FIBP: variants seen among roughly 807,000 people sequenced by gnomAD.
FIBP encodes the protein acidic fibroblast growth factor intracellular-binding protein.
Under a neutral mutation model 40.5 loss-of-function variants are expected in FIBP, and 29 were observed. That is an observed-to-expected ratio of 0.72 (90% confidence interval 0.53 to 0.98). FIBP has a LOEUF of 0.98. FIBP is among the 50% of genes least tolerant of loss of function. The pLI is 0.00. For missense variants in FIBP, 411 were observed against 470.2 expected (o/e 0.87, Z 1.16); for synonymous variants, 215 against 191.1 (o/e 1.13, Z -1.03).
chr11:65,884,977 C>T lies in FIBP; in HGVS notation c.777G>A (p.Arg259=), dbSNP rs756523812. Residue 259 remains arginine, a synonymous_variant, in exon 7 of 10, where the codon CGG becomes CGA. Coordinates refer to ENST00000357519, the MANE Select transcript of FIBP (RefSeq NM_004214.5). Reference sequence around the variant, plus strand: ...TCTCAGAGAAGACGCCCAGCTTTCCCCGGAGAGCAGTGCACACCAGGCTGC... The same window carrying T: ...TCTCAGAGAAGACGCCCAGCTTTCCTCGGAGAGCAGTGCACACCAGGCTGC... ...LHKSLVCTAL[R]GKLGVFSEME... The T allele has an allele frequency of 6.2e-7, 1 of 1,614,060 alleles. No individual in the cohort carries two copies. The highest frequency in any genetic ancestry group is 8.5e-7 in the Non-Finnish European group (1 of 1,180,036).
At chr11:65,886,285 A>G (rs1390011599) in intron 4 of FIBP, 37 bp downstream of exon 4, 2 of 1,427,510 alleles carry the variant, frequency 1.4e-6, no homozygotes, top group South Asian at 2.3e-5. Context: ...GGGCCCAGGA[A>G]GTAGTGTGCG....
chr11:65,884,443 C>T lies in FIBP; in HGVS notation c.953G>A (p.Arg318Gln), dbSNP rs773442005. 16 of 1,614,018 alleles carry T rather than the reference C, an allele frequency of 9.9e-6. No individual in the cohort carries two copies. Among genetic ancestry groups the T allele is most frequent in the South Asian group, 4.4e-5 (4 of 91,068 alleles). ...RSDHWPLSDV[R>Q]FFLNQYSASV... is the part of the protein sequence containing the mutation. The stretch of plus-strand genomic sequence containing the variant: ...CGCTGAATACTGATTCAGGAAGAAC[C>T]GCACGTCGCTGAGTGGCCAGTGGTC... The change falls in exon 9 of 10, where the codon CGG becomes CAG. Residue 318 changes from arginine (R) to glutamine (Q), a missense_variant. Transcript: ENST00000357519.
At chr11:65,888,236 C>G (rs776569552) in intron 1 of FIBP, 98 bp downstream of exon 1, 4 of 1,470,600 alleles carry the variant, frequency 2.7e-6, no homozygotes, top group Middle Eastern at 1.7e-4. Flanking sequence ...CAGGCGCTCG[C>G]CCACTTCCCT....
chr11:65,886,190 A>T (rs1860231734), intron 4 of FIBP, 132 bp downstream of exon 4: 1 of 502,924 alleles, frequency 2.0e-6, no homozygotes. Context: ...AAAAAAAAAA[A>T]GTACAGACCA....
intron 4 of FIBP, chr11:65,885,899 C>T: frequency 1.9e-6 from 1 of 518,254 alleles, no homozygotes; most frequent in Non-Finnish European, 3.4e-6. Flanking sequence ...TTACTATCTA[C>T]TGAGCACTTC....
At chr11:65,885,437 A>G (rs1021062820) in intron 5 of FIBP, 93 bp downstream of exon 5, 2 of 1,493,050 alleles carry the variant, frequency 1.3e-6, no homozygotes, top group African/African-American at 1.4e-5. Flanking sequence ...AGCGGATGCC[A>G]GGAACTGAGG....
rs677835 is a variant in FIBP at position 65,887,122 on chromosome 11, C to T, written c.411+478G>A. On this transcript the variant is annotated intron_variant, in intron 3 of 9. Transcript: ENST00000357519. ...AATTTCAGGTCATTCTGAAAGGTCA[C>T]TCTGGCCATACAGTACAGGATAGCT... The T allele has an allele frequency of 2.3e-4, 52 of 228,204 alleles. No individual in the cohort carries two copies. In the East Asian group the frequency reaches 6.0e-3, roughly 26 times the overall value. 14.1% of individuals were successfully genotyped at this position (228,204 alleles called of 1,614,324 possible).
chr11:65,884,132 A>G, intron 9 of FIBP, 89 bp from the exon 10 acceptor site: 1 of 1,052,584 alleles, frequency 9.5e-7, no homozygotes, highest in Non-Finnish European at 1.4e-6. Context: ...ACCTTCATTC[A>G]TTTTGCCCTT....
At chr11:65,886,169 TAAAAAA>T (rs5792375) in intron 4 of FIBP, 147 bp downstream of exon 4, 11 of 336,596 alleles carry the variant, frequency 3.3e-5, no homozygotes, top group East Asian at 9.0e-5. Context: ...TCCGTCTCAT[TAAAAAA>T]AAAAAAAAAA....
At position 65,887,957 on chromosome 11, in the gene FIBP, G is replaced by A. The variant is rs1314845879; in HGVS notation, c.261C>T (p.Ser87=). ...LHQLIFQIPP[S]RQALLIERYY... The stretch of plus-strand genomic sequence containing the variant: ...ACCTCTCGATGAGTAGTGCCTGCCG[G>A]GAGGGCGGAATCTGGAAGATGAGCT... The change falls in exon 2 of 10, where the codon TCC becomes TCT. Residue 87 remains serine (S), a synonymous_variant. Coordinates refer to ENST00000357519, the MANE Select transcript of FIBP (RefSeq NM_004214.5). 1 of 1,613,802 alleles carries A rather than the reference G, an allele frequency of 6.2e-7. No individual in the cohort carries two copies. Among genetic ancestry groups the A allele is most frequent in the African/African-American group, 1.3e-5 (1 of 75,060 alleles).
chr11:65,885,951 T>C (rs1484204745), intron 4 of FIBP: 1 of 451,786 alleles, frequency 2.2e-6, no homozygotes, highest in African/African-American at 2.0e-5. Context: ...ATATGGTACC[T>C]CTCAACAGCC....
chr11:65,888,296 G>A, intron 1 of FIBP, 38 bp downstream of exon 1: 2 of 1,532,020 alleles, frequency 1.3e-6, no homozygotes, highest in South Asian at 1.2e-5. Context: ...CAACACAACC[G>A]CTCCGCCGAC....
At position 65,887,951 on chromosome 11, in the gene FIBP, C is replaced by A; in HGVS notation, c.267G>T (p.Gln89His). ...GTGAGCACCTCTCGATGAGTAGTGC[C>A]TGCCGGGAGGGCGGAATCTGGAAGA... is the stretch of plus-strand genomic sequence containing the variant. Reference protein sequence around the residue: ...QLIFQIPPSRQALLIERYYAF... With the variant: ...QLIFQIPPSRHALLIERYYAF... Residue 89 changes from glutamine (Q) to histidine (H), a missense_variant, in exon 2 of 10, where the codon CAG becomes CAT. Coordinates refer to ENST00000357519, the MANE Select transcript of FIBP (RefSeq NM_004214.5). 6.2e-7 allele frequency: 1 copy of A among 1,613,748 alleles called. No individual in the cohort carries two copies. Among genetic ancestry groups the A allele is most frequent in the Non-Finnish European group, 8.5e-7 (1 of 1,179,866 alleles).
At position 65,884,504 on chromosome 11, in the gene FIBP, G is replaced by C. The variant is rs1208394842; in HGVS notation, c.907-15C>G. The C allele has an allele frequency of 6.2e-7, 1 of 1,614,028 alleles. No homozygotes were observed. Among genetic ancestry groups the C allele is most frequent in the Non-Finnish European group, 8.5e-7 (1 of 1,180,002 alleles). On this transcript the variant is annotated splice_polypyrimidine_tract_variant and intron_variant, in intron 8 of 9. Transcript: ENST00000357519. ...GGTTCCACAAACTGCGGGCCCAAGAGAATACTTAGCACTTGTATAGGCCAG... is the reference window on the plus strand; with the variant it reads ...GGTTCCACAAACTGCGGGCCCAAGACAATACTTAGCACTTGTATAGGCCAG...
intron 5 of FIBP, 76 bp downstream of exon 5, chr11:65,885,454 G>A: frequency 1.3e-6 from 2 of 1,552,506 alleles, no homozygotes; most frequent in Non-Finnish European, 1.7e-6. Flanking sequence ...GAGGGCCTGT[G>A]GGAGAAACTA....
chr11:65,884,076 T>G, intron 9 of FIBP, 33 bp from the exon 10 acceptor site: 1 of 1,552,546 alleles, frequency 6.4e-7, no homozygotes, highest in Non-Finnish European at 8.9e-7. Flanking sequence ...AGCTGAGTTT[T>G]CACAACACTC....
intron 5 of FIBP, 126 bp downstream of exon 5, chr11:65,885,404 C>G (rs1292522244): frequency 8.3e-6 from 10 of 1,206,086 alleles, no homozygotes; most frequent in Non-Finnish European, 1.2e-5. Flanking sequence ...GCAGGGGGAG[C>G]CTGGGTGGGG....
Position 65,885,098 on chromosome 11 carries a change from G to T in FIBP, c.735C>A (p.Asp245Glu), listed in dbSNP as rs1348108320. 1.2e-6 allele frequency: 2 copies of T among 1,611,942 alleles called. No individual in the cohort carries two copies. The highest frequency in any genetic ancestry group is 2.2e-5 in the South Asian group (2 of 91,048). The change falls in exon 6 of 10, where the codon GAC (aspartate) becomes GAA (glutamate). Residue 245 changes from aspartate to glutamate, a missense_variant. Asp to Glu is a conservative substitution (Grantham distance 45, BLOSUM62 2). Transcript: ENST00000357519. ...KELKVLVADK[D>E]LLDLHKSLVC... ...GTCACCTCTTGTGCAGGTCCAGAAG[G>T]TCCTTGTCAGCCACTAGCACCTTGA...
Position 65,884,995 on chromosome 11 carries a change from C to T in FIBP, c.759G>A (p.Leu253=). ...DKDLLDLHKS[L]VCTALRGKLG... ...GCTTTCCCCGGAGAGCAGTGCACACCAGGCTGCAGAGAGACAGGGTCACGC... is the reference window on the plus strand; with the variant it reads ...GCTTTCCCCGGAGAGCAGTGCACACTAGGCTGCAGAGAGACAGGGTCACGC... Residue 253 remains leucine (L), a synonymous_variant, in exon 7 of 10, where the codon CTG becomes CTA. Coordinates refer to ENST00000357519, the MANE Select transcript of FIBP (RefSeq NM_004214.5). 1 of 1,614,174 alleles carries T rather than the reference C, an allele frequency of 6.2e-7. No homozygotes were observed. The highest frequency in any genetic ancestry group is 1.1e-5 in the South Asian group (1 of 91,090).
Sources: allele counts gnomAD v4.1 joint callset, GRCh38; gene constraint gnomAD v4.1.1; transcripts MANE v1.5; gene names NCBI Gene and HGNC (gene_info 2026-07-23, HGNC 2026-07-21).